The following CADPS variants were observed in gnomAD, a reference collection of about 807,000 sequenced individuals.
CADPS encodes calcium dependent secretion activator, also known as calcium-dependent secretion activator 1.
Under a neutral mutation model 167.3 loss-of-function variants are expected in CADPS, and 57 were observed. The ratio of observed to expected loss-of-function variants is 0.34; its 90% confidence interval spans 0.28 to 0.42. The LOEUF (loss-of-function observed/expected upper bound fraction) is 0.42, where lower values mean the gene tolerates loss of function less well. CADPS is among the 20% of genes least tolerant of loss of function. CADPS has a pLI of 1.00. For synonymous variants in CADPS, 676 were observed against 635.3 expected, an observed-to-expected ratio of 1.06 and a Z score of -0.96; for missense variants, 1,414 against 1,738.1, an observed-to-expected ratio of 0.81 and a Z score of 3.32.
chr3:62,404,245 G>A (rs1280000445), intron 28 of CADPS: 1 of 152,492 alleles, frequency 6.6e-6, no homozygotes, highest in Non-Finnish European at 1.5e-5. Context: ...AGAAAGAAAT[G>A]GTTAGAGAAT....
chr3:62,687,367 A>AGAAATAC (rs2078240761), intron 3 of CADPS, among the ~76,000 whole-genome samples: 1 of 152,124 alleles, frequency 6.6e-6, no homozygotes. Context: ...AAATGGGGCA[A>AGAAATAC]GAAATACTGC....
At chr3:62,630,340 CTTTTA>C (rs952875393) in intron 6 of CADPS, among the ~76,000 whole-genome samples, 12 of 152,036 alleles carry the variant, frequency 7.9e-5, no homozygotes, top group Non-Finnish European at 1.5e-4. Context: ...GCCCCAGCCT[CTTTTA>C]TTTTATTTTC....
intron 8 of CADPS, among the ~76,000 whole-genome samples, chr3:62,581,035 G>C (rs1413557488): frequency 6.6e-6 from 1 of 152,168 alleles, no homozygotes; most frequent in African/African-American, 2.4e-5. Context: ...AAGAGGTACA[G>C]TAAAGAGTGA....
chr3:62,698,106 C>T (rs1035751442), intron 3 of CADPS, among the ~76,000 whole-genome samples: 1 of 152,036 alleles, frequency 6.6e-6, no homozygotes, highest in Non-Finnish European at 1.5e-5. Flanking sequence ...CTTTCCTCTT[C>T]TTTAAAATGG....
At chr3:62,726,746 C>A (rs769016485) in intron 3 of CADPS, among the ~76,000 whole-genome samples, 2 of 151,940 alleles carry the variant, frequency 1.3e-5, no homozygotes, top group East Asian at 1.9e-4. Context: ...AGTAATTAAC[C>A]CTTCTGCTTC....
chr3:62,568,550 G>A (rs1037259725), intron 9 of CADPS, among the ~76,000 whole-genome samples: 4 of 152,162 alleles, frequency 2.6e-5, no homozygotes, highest in African/African-American at 7.2e-5. Context: ...CTTGCTGGGG[G>A]CTCTCAGGTC....
chr3:62,638,561 G>T (rs2066792001), intron 6 of CADPS, among the ~76,000 whole-genome samples: 1 of 152,046 alleles, frequency 6.6e-6, no homozygotes, highest in Non-Finnish European at 1.5e-5. Flanking sequence ...AGTCCTTAAG[G>T]GTTTTTTTAA....
chr3:62,723,579 G>GA (rs969736646), intron 3 of CADPS, among the ~76,000 whole-genome samples: 22 of 150,856 alleles, frequency 1.5e-4, no homozygotes, highest in South Asian at 4.2e-4. Flanking sequence ...GGCTAAATAG[G>GA]AAAAAAAAAT....
chr3:62,681,224 G>A (rs922567030), intron 3 of CADPS, among the ~76,000 whole-genome samples: 19 of 152,068 alleles, frequency 1.2e-4, no homozygotes, highest in South Asian at 4.2e-4. Flanking sequence ...TCTGCCCTAG[G>A]GCAGGTTTTT....
intron 26 of CADPS, among the ~76,000 whole-genome samples, chr3:62,462,156 A>C (rs2059426355): frequency 6.6e-6 from 1 of 152,246 alleles, no homozygotes; most frequent in Non-Finnish European, 1.5e-5. Flanking sequence ...TCTTGTAGTC[A>C]AGGGAAATGG....
At position 62,544,537 on chromosome 3, in the gene CADPS, C is replaced by T. The variant is rs114747364; in HGVS notation, c.1966+5366G>A. Among the ~76,000 whole-genome samples the T allele has an allele frequency of 2.0e-3, 311 of 152,066 alleles. 4 individuals carry two copies. The highest frequency in any genetic ancestry group is 7.0e-3 in the African/African-American group (291 of 41,504). On this transcript the variant is annotated intron_variant, in intron 11 of 29. Transcript: ENST00000383710. The surrounding 1 kb of genome is among the most constrained non-coding windows in gnomAD (Gnocchi z 4.4). The stretch of plus-strand genomic sequence containing the variant: ...TTACATGAAACAAAGGCATTATTTG[C>T]CATTTTGTTGTGATGTTAATTAATA...
intron 28 of CADPS, among the ~76,000 whole-genome samples, chr3:62,410,260 T>C (rs190163652): frequency 4.9e-4 from 74 of 152,390 alleles, no homozygotes; most frequent in African/African-American, 1.4e-3. Context: ...TGAGTGATAG[T>C]TGAAATCCAC....
chr3:62,685,798 G>A (rs1025789126), intron 3 of CADPS, among the ~76,000 whole-genome samples: 3 of 152,026 alleles, frequency 2.0e-5, no homozygotes, highest in African/African-American at 4.8e-5. Context: ...TCGCATGTGC[G>A]GTTCACAGTA....
chr3:62,478,114 G>A lies in CADPS; in HGVS notation c.3329+147C>T. On this transcript the variant is annotated intron_variant, in intron 23 of 29. Coordinates refer to ENST00000383710, the MANE Select transcript of CADPS (RefSeq NM_003716.4). The surrounding 1 kb of genome is among the most constrained non-coding windows in gnomAD (Gnocchi z 5.7). ...GGTGAATGGAAGTTAGACGTTGACA[G>A]CCACTACTCCAGCTGACTTTGACAA... 1 of 817,524 alleles carries A rather than the reference G, an allele frequency of 1.2e-6. No homozygotes were observed. The highest frequency in any genetic ancestry group is 1.9e-5 in the South Asian group (1 of 51,464). 50.6% of individuals were successfully genotyped at this position (817,524 alleles called of 1,614,324 possible).
chr3:62,512,848 CA>C, intron 16 of CADPS, 80 bp from the exon 17 acceptor site: 4 of 1,185,666 alleles, frequency 3.4e-6, no homozygotes, highest in Non-Finnish European at 2.4e-6. Context: ...GCAAGTGGAC[CA>C]AAATGCCCCC....
intron 4 of CADPS, among the ~76,000 whole-genome samples, chr3:62,661,262 A>G (rs1475279014): frequency 2.0e-5 from 3 of 152,188 alleles, no homozygotes; most frequent in African/African-American, 4.8e-5. Context: ...ATGAGCTGCT[A>G]TAATAAAGGT....
chr3:62,849,586 T>G (rs1305456111), intron 1 of CADPS, among the ~76,000 whole-genome samples: 7 of 126,148 alleles, frequency 5.5e-5, no homozygotes, highest in East Asian at 4.8e-4. Context: ...CATTTATTGA[T>G]TTGCGTATAT....
chr3:62,414,486 A>C (rs1470645471), intron 28 of CADPS, among the ~76,000 whole-genome samples: 2 of 152,242 alleles, frequency 1.3e-5, no homozygotes, highest in Non-Finnish European at 2.9e-5. Context: ...CAGTTATACT[A>C]ATAAAAATCA....
At chr3:62,717,968 T>A (rs946506301) in intron 3 of CADPS, among the ~76,000 whole-genome samples, 1 of 152,186 alleles carries the variant, frequency 6.6e-6, no homozygotes, top group African/African-American at 2.4e-5. Flanking sequence ...TTATTTCCCA[T>A]CTAGCTCACG....
Sources: allele counts gnomAD v4.1 joint callset (sites outside exome capture counted in the v4.1 genomes callset), GRCh38; gene constraint gnomAD v4.1.1; non-coding constraint Gnocchi (gnomAD v3.1); transcripts MANE v1.5; gene names NCBI Gene and HGNC (gene_info 2026-07-23, HGNC 2026-07-21).